Variants in FBN1 observed in about 807,000 individuals in gnomAD.
FBN1 encodes fibrillin 1.
In FBN1, 29 loss-of-function variants were observed where a neutral mutation model predicts 365.1. That is an observed-to-expected ratio of 0.08 (90% CI 0.06 to 0.11). FBN1 has a LOEUF of 0.11. Among genes scored for constraint, FBN1 ranks in the 10% least tolerant of loss-of-function variants. FBN1 has a pLI of 1.00. For missense variants in FBN1, 2,476 were observed against 3,703.2 expected (o/e 0.67, Z 8.60); for synonymous variants, 1,210 against 1,270.5 (o/e 0.95, Z 1.01).
At chr15:48,536,519 G>A (rs937829774) in intron 7 of FBN1, among the ~76,000 whole-genome samples, 4 of 152,018 alleles carry the variant, frequency 2.6e-5, no homozygotes, top group Non-Finnish European at 4.4e-5. Context: ...TTCTAAAAAC[G>A]GGAAAAATAA....
rs779987733 is a variant in FBN1 at position 48,448,754 on chromosome 15, A to AATT, written c.5671+11_5671+13dup. 1.9e-6 allele frequency: 3 copies of AATT among 1,610,598 alleles called. No individual in the cohort carries two copies. The African/African-American group carries it at 4.0e-5, about 22-fold the overall frequency. On this transcript the variant is annotated intron_variant, in intron 46 of 65. Transcript: ENST00000316623. ...AACAGCATATGAAAAAAATAATAAT[A>AATT]ATTGCATACTTACCCAAGCACATGG...
In FBN1 at chr15:48,610,822, A is replaced by G; in HGVS notation, c.252T>C (p.Ile84=). The G allele has an allele frequency of 6.2e-7, 1 of 1,613,596 alleles. No individual in the cohort carries two copies. Among genetic ancestry groups the G allele is most frequent in the Non-Finnish European group, 8.5e-7 (1 of 1,179,560 alleles). The part of the protein sequence containing the change: ...LPGGNQCIVP[I]CRHSCGDGFC... ...ATCCATCCCCACAGGAATGCCGGCAAATGGCTGTGAATAAACCAGAGGTCT... is the reference window on the plus strand; with the variant it reads ...ATCCATCCCCACAGGAATGCCGGCAGATGGCTGTGAATAAACCAGAGGTCT... The change falls in exon 4 of 66, where the codon ATT becomes ATC. Residue 84 remains isoleucine (I), a synonymous_variant. Transcript: ENST00000316623.
chr15:48,443,859 C>T (rs1000038010), intron 49 of FBN1, among the ~76,000 whole-genome samples: 1 of 152,004 alleles, frequency 6.6e-6, no homozygotes, highest in Non-Finnish European at 1.5e-5. Flanking sequence ...TAGGGAGGCC[C>T]CATCTCTACA....
rs866866782 is a variant in FBN1 at position 48,644,549 on chromosome 15, G to C, written c.164+57C>G. The C allele has an allele frequency of 2.7e-5, 44 of 1,611,108 alleles. No homozygotes were observed. In the South Asian group the frequency reaches 4.7e-4, roughly 17 times the overall value. ...CACAGGGAGAGTCATCCTGCCCGTTGTTCTGGATCTTGAAACTTGGGAGAC... is the reference window on the plus strand; with the variant it reads ...CACAGGGAGAGTCATCCTGCCCGTTCTTCTGGATCTTGAAACTTGGGAGAC... On this transcript the variant is annotated intron_variant, in intron 2 of 65. Transcript: ENST00000316623.
intron 65 of FBN1, among the ~76,000 whole-genome samples, chr15:48,412,249 G>A (rs957107075): frequency 2.6e-5 from 4 of 152,134 alleles, no homozygotes; most frequent in East Asian, 1.9e-4. Flanking sequence ...ATGTCACTTC[G>A]CTATTCTGCC....
intron 49 of FBN1, among the ~76,000 whole-genome samples, chr15:48,443,996 T>C (rs2043135551): frequency 6.6e-6 from 1 of 152,142 alleles, no homozygotes; most frequent in African/African-American, 2.4e-5. Flanking sequence ...CGTGCCACTG[T>C]ACTTCAACCT....
chr15:48,532,118 A>G (rs2043978110), intron 8 of FBN1, among the ~76,000 whole-genome samples: 1 of 152,232 alleles, frequency 6.6e-6, no homozygotes, highest in African/African-American at 2.4e-5. Flanking sequence ...TCTGAGCATT[A>G]AATTAGAATC....
chr15:48,444,984 A>G (rs1470887542), intron 48 of FBN1, among the ~76,000 whole-genome samples: 1 of 151,634 alleles, frequency 6.6e-6, no homozygotes. Context: ...TATTTTAAAG[A>G]AAAATATTTA....
At chr15:48,437,640 T>C in intron 51 of FBN1, 128 bp downstream of exon 51, 1 of 1,084,270 alleles carries the variant, frequency 9.2e-7, no homozygotes, top group South Asian at 1.4e-5. Flanking sequence ...TAATTTTTAA[T>C]GAACATTCTA....
chr15:48,568,723 T>G (rs1482086988), intron 6 of FBN1, among the ~76,000 whole-genome samples: 2 of 152,008 alleles, frequency 1.3e-5, no homozygotes, highest in Non-Finnish European at 2.9e-5. Flanking sequence ...AGCAAAAGTG[T>G]CAAGGAAATT....
chr15:48,568,365 C>T (rs2044277658), intron 6 of FBN1, among the ~76,000 whole-genome samples: 1 of 151,974 alleles, frequency 6.6e-6, no homozygotes, highest in Non-Finnish European at 1.5e-5. Context: ...GTCGAAAAAT[C>T]TTTAAATAAG....
Position 48,534,119 on chromosome 15 carries a change from C to G in FBN1, c.823G>C (p.Ala275Pro), listed in dbSNP as rs1345051744. 2 of 1,613,570 alleles carry G rather than the reference C, an allele frequency of 1.2e-6. No homozygotes were observed. The highest frequency in any genetic ancestry group is 2.7e-5 in the African/African-American group (2 of 74,746). Residue 275 changes from alanine (A) to proline (P), a missense_variant, in exon 8 of 66, where the codon GCT (alanine) becomes CCT (proline). This residue lies in a region of FBN1 where 421 missense variants were observed against 520.1 expected (regional missense o/e 0.81). Coordinates refer to ENST00000316623, the MANE Select transcript of FBN1 (RefSeq NM_000138.5). Reference protein sequence around the residue: ...TVGSFECKCPAGHKLNEVSQK... With the variant: ...TVGSFECKCPPGHKLNEVSQK... ...GACACTTCATTAAGTTTGTGTCCAG[C>G]AGGGCATTTGCACTCAAAAGACCCA...
At chr15:48,438,013 TC>T in intron 50 of FBN1, 96 bp from the exon 51 acceptor site, 1 of 1,298,096 alleles carries the variant, frequency 7.7e-7, no homozygotes, top group Middle Eastern at 1.8e-4. Context: ...TTATATATGT[TC>T]TCCTCTCAGG....
intron 2 of FBN1, among the ~76,000 whole-genome samples, chr15:48,618,008 G>A (rs1889690095): frequency 6.6e-6 from 1 of 152,064 alleles, no homozygotes; most frequent in Non-Finnish European, 1.5e-5. Flanking sequence ...AAACTCTTGG[G>A]CAAGGAGAAC....
rs193922231 is a variant in FBN1 at position 48,425,839 on chromosome 15, G to A, written c.7230C>T (p.His2410=). 127 of 1,610,682 alleles carry A rather than the reference G, an allele frequency of 7.9e-5. No individual in the cohort carries two copies. Among genetic ancestry groups the A allele is most frequent in the Non-Finnish European group, 1.0e-4 (118 of 1,177,160 alleles). ...GADIDECKVI[H]DVCRNGECVN... is the part of the protein sequence containing the mutation. ...CACATTCCCCATTTCGGCAAACATC[G>A]TGAATAACCTTGCATTCATCGATAT... is the stretch of plus-strand genomic sequence containing the variant. The change falls in exon 59 of 66, where the codon CAC becomes CAT. Residue 2410 remains histidine (H), a synonymous_variant. Transcript: ENST00000316623.
chr15:48,412,804 C>T (rs2042874952), intron 64 of FBN1, 61 bp from the exon 65 acceptor site: 29 of 1,594,828 alleles, frequency 1.8e-5, no homozygotes, highest in Non-Finnish European at 2.3e-5. Context: ...GTAGGTGGTA[C>T]AAGAGTTCTG....
chr15:48,424,109 T>C (rs1443759169), intron 60 of FBN1, among the ~76,000 whole-genome samples: 1 of 152,216 alleles, frequency 6.6e-6, no homozygotes, highest in African/African-American at 2.4e-5. Context: ...TAGCTTCACA[T>C]TGCCTAGAAC....
intron 2 of FBN1, among the ~76,000 whole-genome samples, chr15:48,631,999 A>G (rs745680080): frequency 1.8e-4 from 27 of 152,252 alleles, no homozygotes; most frequent in Non-Finnish European, 4.4e-5. Flanking sequence ...CAGATCTGCC[A>G]GTTAAAAAAT....
chr15:48,584,954 G>A (rs1418330257), intron 6 of FBN1, among the ~76,000 whole-genome samples: 1 of 152,146 alleles, frequency 6.6e-6, no homozygotes, highest in Non-Finnish European at 1.5e-5. Flanking sequence ...TAAAGAATGA[G>A]TCAAAATTTA....
Sources: allele counts gnomAD v4.1 joint callset (sites outside exome capture counted in the v4.1 genomes callset), GRCh38; gene constraint gnomAD v4.1.1; regional missense constraint gnomAD v4.1.1; transcripts MANE v1.5; gene names NCBI Gene and HGNC (gene_info 2026-07-23, HGNC 2026-07-21).